Variants in PNP observed in about 807,000 individuals in gnomAD.
PNP encodes the protein purine nucleoside phosphorylase.
PNP carries 18 observed loss-of-function variants against 26.8 expected under a neutral mutation model. The observed-to-expected ratio is 0.67, with a 90% CI of 0.46 to 1.00. The LOEUF is 1.00. Ranked by LOEUF, PNP falls within the 50% of genes least tolerant of loss-of-function variation. The pLI, the probability that PNP is intolerant of heterozygous loss-of-function variation, is 0.00. For missense variants in PNP, 320 were observed against 362.9 expected (o/e 0.88, Z 0.96); for synonymous variants, 116 against 124.8 (o/e 0.93, Z 0.47).
Position 20,475,098 on chromosome 14 carries a change from C to T in PNP, c.498C>T (p.Tyr166=), listed in dbSNP as rs535056271. Reference sequence around the variant, plus strand: ...GTTTCCCTGCCATGTCTGATGCCTACGACCGGACTATGAGGCAGAGGGCTC... The same window carrying T: ...GTTTCCCTGCCATGTCTGATGCCTATGACCGGACTATGAGGCAGAGGGCTC... ...GDRFPAMSDA[Y]DRTMRQRALS... The change falls in exon 5 of 6, where the codon TAC becomes TAT. Residue 166 remains tyrosine (Y), a synonymous_variant. Coordinates refer to ENST00000361505, the MANE Select transcript of PNP (RefSeq NM_000270.4). The T allele has an allele frequency of 3.5e-5, 56 of 1,614,050 alleles. No homozygotes were observed. The Middle Eastern group carries it at 6.6e-4, about 19-fold the overall frequency.
chr14:20,476,323 G>A, intron 5 of PNP, 61 bp from the exon 6 acceptor site: 1 of 1,323,982 alleles, frequency 7.6e-7, no homozygotes, highest in Non-Finnish European at 1.1e-6. Flanking sequence ...CGAGGCTAAA[G>A]GGCAAGGAAA....
Position 20,476,584 on chromosome 14 carries a change from C to G in PNP, c.853C>G (p.Pro285Ala). Reference protein sequence around the residue: ...VSILMASIPLPDKAS With the variant: ...VSILMASIPLADKAS The stretch of plus-strand genomic sequence containing the variant: ...CATTCTTATGGCCAGCATTCCACTC[C>G]CTGACAAAGCCAGTTGACCTGCCTT... The change falls in exon 6 of 6, where the codon CCT (proline) becomes GCT (alanine). Residue 285 changes from proline (P) to alanine (A), a missense_variant. By Grantham distance (27) the Pro-to-Ala change is conservative. Coordinates refer to ENST00000361505, the MANE Select transcript of PNP (RefSeq NM_000270.4). 6.2e-7 allele frequency: 1 copy of G among 1,614,186 alleles called. No individual in the cohort carries two copies.
rs115731892 is a variant in PNP, at chr14:20,475,728, C to T, written c.652+476C>T. ...CTTGAACTCGCGACCTCAGGTAATC[C>T]GCCCATCTTGGCCTCCTAAAGTGCT... is the stretch of plus-strand genomic sequence containing the variant. On this transcript the variant is annotated intron_variant, in intron 5 of 5. Coordinates refer to ENST00000361505, the MANE Select transcript of PNP (RefSeq NM_000270.4). Among the ~76,000 whole-genome samples the T allele has an allele frequency of 8.7e-3, 1,323 of 152,114 alleles. 15 individuals carry two copies. Among genetic ancestry groups the T allele is most frequent in the African/African-American group, 0.03 (1,259 of 41,496 alleles).
chr14:20,472,109 A>G (rs370142869), intron 1 of PNP, among the ~76,000 whole-genome samples, 199 bp from the exon 2 acceptor site: 8 of 152,272 alleles, frequency 5.3e-5, no homozygotes, highest in African/African-American at 1.7e-4. Context: ...GTAGTTTCAT[A>G]TCAGACTTGT....
chr14:20,470,132 C>A (rs940124425), intron 1 of PNP, among the ~76,000 whole-genome samples: 1 of 152,178 alleles, frequency 6.6e-6, no homozygotes, highest in African/African-American at 2.4e-5. Flanking sequence ...TGCTCACTTC[C>A]CCCACCCCAC....
intron 2 of PNP, chr14:20,472,808 A>C: frequency 3.6e-6 from 1 of 277,446 alleles, no homozygotes; most frequent in Non-Finnish European, 6.9e-6. Flanking sequence ...TTATTTATTA[A>C]TTTTTAAGAT....
intron 1 of PNP, among the ~76,000 whole-genome samples, chr14:20,472,107 A>C (rs188559911): frequency 1.6e-4 from 24 of 152,274 alleles, no homozygotes; most frequent in African/African-American, 5.3e-4. Flanking sequence ...AGGTAGTTTC[A>C]TATCAGACTT....
rs749155712 is a variant in PNP, at chr14:20,475,158, G to C, written c.558G>C (p.Glu186Asp). ...STWKQMGEQRELQEGTYVMVA... is the reference protein window; with the variant it reads ...STWKQMGEQRDLQEGTYVMVA... The stretch of plus-strand genomic sequence containing the variant: ...GGAAACAAATGGGGGAGCAACGTGA[G>C]CTACAGGAAGGCACCTATGTGATGG... The change falls in exon 5 of 6, where the codon GAG becomes GAC. Residue 186 changes from glutamate to aspartate, a missense_variant. Coordinates refer to ENST00000361505, the MANE Select transcript of PNP (RefSeq NM_000270.4). 41 of 1,614,100 alleles carry C rather than the reference G, an allele frequency of 2.5e-5. No homozygotes were observed. Among genetic ancestry groups the C allele is most frequent in the Non-Finnish European group, 3.4e-5 (40 of 1,180,046 alleles).
intron 2 of PNP, 199 bp from the exon 3 acceptor site, chr14:20,474,273 G>T (rs1447229304): frequency 1.8e-6 from 1 of 567,816 alleles, no homozygotes; most frequent in Non-Finnish European, 3.2e-6. Context: ...CTAATCTTGG[G>T]TTGTATTTGT....
chr14:20,469,431 C>T lies in PNP; in HGVS notation c.-94C>T, dbSNP rs975096030. 6 of 1,504,778 alleles carry T rather than the reference C, an allele frequency of 4.0e-6. No homozygotes were observed. Among genetic ancestry groups the T allele is most frequent in the Middle Eastern group, 2.3e-4 (1 of 4,320 alleles). The allele number at this position is 1,504,778 out of a possible 1,614,324, so 93.2% of individuals were successfully genotyped here. Reference sequence around the variant, plus strand: ...AACTGTGCGAACCAGACCCGGCAGCCTTGCTCAGTTCAGCATAGCGGAGCG... The same window carrying T: ...AACTGTGCGAACCAGACCCGGCAGCTTTGCTCAGTTCAGCATAGCGGAGCG... On this transcript the variant is annotated 5_prime_UTR_variant, in exon 1 of 6. Coordinates refer to ENST00000361505, the MANE Select transcript of PNP (RefSeq NM_000270.4).
rs1566525754 is a variant in PNP, at chr14:20,475,088, C to T, written c.488C>T (p.Ser163Phe). Residue 163 changes from serine (S) to phenylalanine (F), a missense_variant, in exon 5 of 6, where the codon TCT becomes TTT. Physicochemically the swap from Ser to Phe is radical, Grantham distance 155. Coordinates refer to ENST00000361505, the MANE Select transcript of PNP (RefSeq NM_000270.4). ...TTTGGAGATCGTTTCCCTGCCATGT[C>T]TGATGCCTACGACCGGACTATGAGG... ...ERFGDRFPAM[S>F]DAYDRTMRQR... The T allele has an allele frequency of 6.2e-7, 1 of 1,614,222 alleles. No homozygotes were observed. Among genetic ancestry groups the T allele is most frequent in the Admixed American group, 1.7e-5 (1 of 60,032 alleles).
At chr14:20,472,881 C>A in intron 2 of PNP, 2 of 237,616 alleles carry the variant, frequency 8.4e-6, no homozygotes, top group South Asian at 5.3e-5. Flanking sequence ...CAGGAAAAGA[C>A]CTTTAATAGC....
intron 1 of PNP, among the ~76,000 whole-genome samples, chr14:20,470,871 AAGAT>A (rs752126365): frequency 1.8e-4 from 27 of 152,212 alleles, no homozygotes; most frequent in Non-Finnish European, 3.2e-4. Context: ...TTGAGCCTAT[AAGAT>A]AGATGGGGCC....
At position 20,469,427 on chromosome 14, in the gene PNP, C is replaced by T. The variant is rs1881934677; in HGVS notation, c.-98C>T. ...AGCCAACTGTGCGAACCAGACCCGG[C>T]AGCCTTGCTCAGTTCAGCATAGCGG... On this transcript the variant is annotated 5_prime_UTR_variant, in exon 1 of 6. Coordinates refer to ENST00000361505, the MANE Select transcript of PNP (RefSeq NM_000270.4). The T allele has an allele frequency of 1.1e-5, 16 of 1,488,264 alleles. No individual in the cohort carries two copies. The South Asian group carries it at 1.6e-4, about 15-fold the overall frequency. 92.2% of individuals were successfully genotyped at this position (1,488,264 alleles called of 1,614,324 possible). A position where few individuals can be genotyped will look rare whatever the true frequency, so the allele number is the denominator to read the frequency against.
intron 1 of PNP, chr14:20,469,918 T>A (rs2139332359): frequency 2.5e-6 from 1 of 398,446 alleles, no homozygotes; most frequent in African/African-American, 2.0e-5. Flanking sequence ...GCGCTCTTCA[T>A]AAATTCCCAT....
intron 5 of PNP, 49 bp from the exon 6 acceptor site, chr14:20,476,335 G>A: frequency 7.1e-7 from 1 of 1,402,988 alleles, no homozygotes; most frequent in Non-Finnish European, 1.0e-6. Context: ...GCAAGGAAAA[G>A]AGTTATTTGA....
In PNP at chr14:20,475,238, G is replaced by A; in HGVS notation, c.638G>A (p.Gly213Glu). ...VAECRVLQKL[G>E]ADAVGMSTVP... ...GAATGTCGTGTGCTGCAGAAGCTGG[G>A]AGCAGACGCTGTTGGTGAGAAGGGG... The change falls in exon 5 of 6, where the codon GGA (glycine) becomes GAA (glutamate). Residue 213 changes from glycine to glutamate, a missense_variant. Gly to Glu is a moderately conservative substitution (Grantham distance 98). Coordinates refer to ENST00000361505, the MANE Select transcript of PNP (RefSeq NM_000270.4). The A allele has an allele frequency of 1.2e-6, 2 of 1,612,476 alleles. No homozygotes were observed. Among genetic ancestry groups the A allele is most frequent in the Non-Finnish European group, 1.7e-6 (2 of 1,178,662 alleles).
At chr14:20,471,344 C>T (rs1399787646) in intron 1 of PNP, among the ~76,000 whole-genome samples, 1 of 151,774 alleles carries the variant, frequency 6.6e-6, no homozygotes, top group Non-Finnish European at 1.5e-5. Context: ...CCACCGCGCC[C>T]AGCCCCTAAA....
chr14:20,475,713 C>T (rs17879913), intron 5 of PNP, among the ~76,000 whole-genome samples: 3,902 of 152,100 alleles, frequency 0.026, 106 homozygotes, highest in East Asian at 0.095. Context: ...CTTGAACTCG[C>T]GACCTCAGGT....
Sources: allele counts gnomAD v4.1 joint callset (sites outside exome capture counted in the v4.1 genomes callset), GRCh38; gene constraint gnomAD v4.1.1; transcripts MANE v1.5; gene names NCBI Gene and HGNC (gene_info 2026-07-23, HGNC 2026-07-21).